Variants in CACNA2D3 observed in about 807,000 individuals in gnomAD.
CACNA2D3 encodes the protein calcium voltage-gated channel auxiliary subunit alpha2delta 3.
Under a neutral mutation model 160.6 loss-of-function variants are expected in CACNA2D3, and 60 were observed. The ratio of observed to expected loss-of-function variants is 0.37; its 90% CI spans 0.30 to 0.46. CACNA2D3 has a LOEUF of 0.46. Ranked by LOEUF, CACNA2D3 falls within the 20% of genes least tolerant of loss-of-function variation. The pLI is 1.00. For missense variants in CACNA2D3, 1,205 were observed against 1,365.0 expected, an observed-to-expected ratio of 0.88 and a Z score of 1.85; for synonymous variants, 558 against 492.9, an observed-to-expected ratio of 1.13 and a Z score of -1.75.
intron 2 of CACNA2D3, among the ~76,000 whole-genome samples, chr3:54,161,716 A>T (rs1393087992): frequency 6.6e-6 from 1 of 152,238 alleles, no homozygotes; most frequent in Non-Finnish European, 1.5e-5. Flanking sequence ...ATATCATGAT[A>T]TGAAAAGCAT....
intron 35 of CACNA2D3, among the ~76,000 whole-genome samples, chr3:55,022,838 G>C (rs1292559019): frequency 6.6e-6 from 1 of 151,204 alleles, no homozygotes; most frequent in African/African-American, 2.4e-5. Flanking sequence ...CTTACATTTT[G>C]TTAAGTTGGA....
At chr3:54,323,731 G>T (rs1001673148) in intron 3 of CACNA2D3, among the ~76,000 whole-genome samples, 13 of 152,170 alleles carry the variant, frequency 8.5e-5, no homozygotes, top group Non-Finnish European at 1.3e-4. Context: ...CTCCCAAAGT[G>T]CTGGGATTAC....
chr3:54,967,935 G>A (rs1451781664), intron 27 of CACNA2D3, among the ~76,000 whole-genome samples: 1 of 152,094 alleles, frequency 6.6e-6, no homozygotes, highest in South Asian at 2.1e-4. Context: ...CTTGAGATGT[G>A]GACTCTAGGA....
chr3:54,729,501 G>A (rs80187974), intron 11 of CACNA2D3, among the ~76,000 whole-genome samples: 9,783 of 152,176 alleles, frequency 0.064, 1,007 homozygotes, highest in African/African-American at 0.22. Flanking sequence ...AGCTGGGCTC[G>A]TTGGTTCTCA....
At chr3:54,459,121 A>G (rs1575466544) in intron 4 of CACNA2D3, among the ~76,000 whole-genome samples, 2 of 152,100 alleles carry the variant, frequency 1.3e-5, no homozygotes, top group South Asian at 4.1e-4. Context: ...TTATGGCTGC[A>G]TAGTATTCCA....
intron 31 of CACNA2D3, among the ~76,000 whole-genome samples, chr3:55,001,057 T>C (rs1294469305): frequency 1.3e-5 from 2 of 152,304 alleles, no homozygotes; most frequent in East Asian, 1.9e-4. Flanking sequence ...ATGATTATAA[T>C]CTATCTTATA....
intron 9 of CACNA2D3, among the ~76,000 whole-genome samples, chr3:54,583,594 T>A (rs920334467): frequency 6.6e-6 from 1 of 152,144 alleles, no homozygotes. Flanking sequence ...TACTTACGGG[T>A]TGAGCATCCC....
chr3:54,869,755 G>A (rs1294002543), intron 17 of CACNA2D3, among the ~76,000 whole-genome samples: 1 of 152,188 alleles, frequency 6.6e-6, no homozygotes, highest in Non-Finnish European at 1.5e-5. Context: ...AGGCACCGCT[G>A]CTGACAACTC....
At chr3:54,699,092 C>T (rs1368982670) in intron 11 of CACNA2D3, among the ~76,000 whole-genome samples, 3 of 152,166 alleles carry the variant, frequency 2.0e-5, no homozygotes, top group Non-Finnish European at 4.4e-5. Flanking sequence ...TGAACCTGCT[C>T]AGAAGTCTTA....
intron 34 of CACNA2D3, among the ~76,000 whole-genome samples, chr3:55,013,071 C>A (rs190165808): frequency 1.5e-3 from 221 of 152,308 alleles, no homozygotes; most frequent in Middle Eastern, 6.8e-3. Flanking sequence ...GACTGTGAGA[C>A]CTCCTTTCCA....
chr3:54,350,813 G>C (rs1034921562), intron 3 of CACNA2D3, among the ~76,000 whole-genome samples: 3 of 152,152 alleles, frequency 2.0e-5, no homozygotes, highest in Admixed American at 6.5e-5. Context: ...TGCTTACCTG[G>C]ATGGTATTAT....
chr3:54,595,847 CT>C (rs753738440), intron 9 of CACNA2D3, among the ~76,000 whole-genome samples: 1 of 151,996 alleles, frequency 6.6e-6, no homozygotes, highest in Non-Finnish European at 1.5e-5. Context: ...ACAGTTATAC[CT>C]TATCATAAAT....
At chr3:54,443,171 A>G (rs1344230926) in intron 4 of CACNA2D3, among the ~76,000 whole-genome samples, 2 of 152,312 alleles carry the variant, frequency 1.3e-5, no homozygotes, top group South Asian at 2.1e-4. Flanking sequence ...CTCTTATTTT[A>G]TTGGTGAAAG....
intron 5 of CACNA2D3, among the ~76,000 whole-genome samples, chr3:54,522,854 G>A (rs1332088636): frequency 6.6e-6 from 1 of 151,986 alleles, no homozygotes; most frequent in Non-Finnish European, 1.5e-5. Context: ...TGTTGTATTG[G>A]GTACTAAGTT....
At chr3:54,903,826 T>TC (rs1294898422) in intron 27 of CACNA2D3, among the ~76,000 whole-genome samples, 1 of 152,222 alleles carries the variant, frequency 6.6e-6, no homozygotes, top group African/African-American at 2.4e-5. Flanking sequence ...GAGCTTTTTT[T>TC]CATATGCTTG....
intron 13 of CACNA2D3, among the ~76,000 whole-genome samples, chr3:54,770,854 T>C (rs1453765300): frequency 6.6e-6 from 1 of 152,222 alleles, no homozygotes; most frequent in Non-Finnish European, 1.5e-5. Context: ...AGTCATTGTT[T>C]CTGTGAATCT....
intron 35 of CACNA2D3, among the ~76,000 whole-genome samples, chr3:55,068,670 G>T (rs1189393155): frequency 1.3e-5 from 2 of 152,072 alleles, no homozygotes; most frequent in African/African-American, 2.4e-5. Flanking sequence ...TTTCATGACA[G>T]TAAATAGAGA....
At chr3:54,725,765 A>G (rs1191315839) in intron 11 of CACNA2D3, among the ~76,000 whole-genome samples, 1 of 152,176 alleles carries the variant, frequency 6.6e-6, no homozygotes, top group Non-Finnish European at 1.5e-5. Flanking sequence ...ATGTATCTCA[A>G]AATAACGAGA....
chr3:54,327,082 A>G (rs1018161898), intron 3 of CACNA2D3, among the ~76,000 whole-genome samples: 1 of 152,178 alleles, frequency 6.6e-6, no homozygotes, highest in Non-Finnish European at 1.5e-5. Flanking sequence ...TCAGTGAACC[A>G]TCTTTGGTTA....
Sources: gnomAD v4.1 joint callset for allele counts (sites outside exome capture counted in the v4.1 genomes callset) on GRCh38, gnomAD v4.1.1 for gene constraint, MANE v1.5 for transcripts, NCBI Gene and HGNC (gene_info 2026-07-23, HGNC 2026-07-21) for gene names.